ABI3BP: variants seen among roughly 807,000 people sequenced by gnomAD.
The protein encoded by ABI3BP is ABI family member 3 binding protein, also known as target of Nesh-SH3.
ABI3BP carries 216 observed loss-of-function variants against 268.6 expected under a neutral mutation model. The observed-to-expected ratio is 0.80, with a 90% CI of 0.72 to 0.90. ABI3BP has a LOEUF of 0.90. ABI3BP is among the 40% of genes least tolerant of loss of function. The pLI is 0.00. For synonymous variants in ABI3BP, 730 were observed against 730.0 expected, an observed-to-expected ratio of 1.00 and a Z score of 0.00; for missense variants, 2,090 against 2,182.4, an observed-to-expected ratio of 0.96 and a Z score of 0.84.
In ABI3BP at chr3:100,842,037, G is replaced by A; in HGVS notation, c.1726C>T (p.Pro576Ser). The A allele has an allele frequency of 6.5e-7, 1 of 1,534,504 alleles. No homozygotes were observed. Among genetic ancestry groups the A allele is most frequent in the Non-Finnish European group, 8.7e-7 (1 of 1,145,652 alleles). ...SPEVTHTKPA[P>S]EPQTLLPSQS... ...GATGGCAGTAGAGTCTGAGGTTCTG[G>A]GGCTGTAATAAAAGCAAGTAATATC... Residue 576 changes from proline to serine, a missense_variant and splice_region_variant, in exon 21 of 68, where the codon CCA (proline) becomes TCA (serine). By Grantham distance (74) the Pro-to-Ser change is moderately conservative. Coordinates refer to ENST00000471714, the MANE Select transcript of ABI3BP (RefSeq NM_001375547.2).
chr3:100,773,642 C>T (rs1382533128), intron 61 of ABI3BP, among the ~76,000 whole-genome samples: 1 of 152,158 alleles, frequency 6.6e-6, no homozygotes, highest in Admixed American at 6.5e-5. Context: ...AAGACATGTA[C>T]ATGAATGGTC....
At chr3:100,964,309 T>C (rs545102186) in intron 1 of ABI3BP, among the ~76,000 whole-genome samples, 1 of 152,298 alleles carries the variant, frequency 6.6e-6, no homozygotes, top group Non-Finnish European at 1.5e-5. Flanking sequence ...GGGACCAGCC[T>C]TCTTTGGGCA....
intron 61 of ABI3BP, among the ~76,000 whole-genome samples, chr3:100,772,434 G>A (rs924155432): frequency 6.6e-6 from 1 of 152,126 alleles, no homozygotes; most frequent in Non-Finnish European, 1.5e-5. Flanking sequence ...ACATGTAAAA[G>A]TAAAATGTAT....
At chr3:100,850,602 C>G in intron 16 of ABI3BP, 58 bp downstream of exon 16, 1 of 1,307,332 alleles carries the variant, frequency 7.6e-7, no homozygotes, top group Non-Finnish European at 1.1e-6. Context: ...GAAAGGCATT[C>G]ACATGATTTT....
At chr3:100,893,632 CTG>C (rs1203406666) in intron 4 of ABI3BP, among the ~76,000 whole-genome samples, 7 of 151,396 alleles carry the variant, frequency 4.6e-5, no homozygotes, top group South Asian at 2.1e-4. Context: ...GGGATGAGGA[CTG>C]TGCAGATGGT....
At chr3:100,820,938 G>A (rs1161267406) in intron 39 of ABI3BP, 116 bp downstream of exon 39, 1 of 875,116 alleles carries the variant, frequency 1.1e-6, no homozygotes, top group Non-Finnish European at 1.8e-6. Context: ...ATGATGGAAT[G>A]AAACAGAGAA....
At chr3:100,939,754 T>G (rs1451601787) in intron 1 of ABI3BP, among the ~76,000 whole-genome samples, 1 of 152,072 alleles carries the variant, frequency 6.6e-6, no homozygotes, top group Non-Finnish European at 1.5e-5. Context: ...GACAGGGTTT[T>G]GAGAGCAACC....
intron 50 of ABI3BP, 96 bp downstream of exon 50, chr3:100,808,065 G>T: frequency 9.4e-7 from 1 of 1,065,164 alleles, no homozygotes. Flanking sequence ...AAGTGTTAAA[G>T]ACTCAATCTG....
At chr3:100,882,791 C>A (rs1581796702) in intron 6 of ABI3BP, among the ~76,000 whole-genome samples, 2 of 151,994 alleles carry the variant, frequency 1.3e-5, no homozygotes, top group South Asian at 4.1e-4. Flanking sequence ...AAGACAAATA[C>A]AAATTACTGG....
At chr3:100,843,542 TGAGAGAGAGAGA>T in intron 20 of ABI3BP, 5 of 852,662 alleles carry the variant, frequency 5.9e-6, no homozygotes, top group Non-Finnish European at 6.9e-6. Context: ...TGTGTGTGTG[TGAGAGAGAGAGA>T]GAGAGAGAGA....
chr3:100,904,714 C>T (rs1021664524), intron 2 of ABI3BP, among the ~76,000 whole-genome samples: 7 of 152,142 alleles, frequency 4.6e-5, no homozygotes, highest in African/African-American at 1.2e-4. Context: ...CAATGAGATA[C>T]CATCTCACAC....
At chr3:100,821,154 A>G (rs1338701106) in intron 38 of ABI3BP, 41 bp from the exon 39 acceptor site, 6 of 1,500,776 alleles carry the variant, frequency 4.0e-6, no homozygotes, top group Non-Finnish European at 5.4e-6. Context: ...ATTATTTTAA[A>G]TGAATGTAAA....
intron 1 of ABI3BP, among the ~76,000 whole-genome samples, chr3:100,950,238 C>A (rs1438775611): frequency 6.6e-6 from 1 of 152,106 alleles, no homozygotes; most frequent in Non-Finnish European, 1.5e-5. Flanking sequence ...AAAGGATATT[C>A]AATTAATATG....
chr3:100,810,389 G>A lies in ABI3BP; in HGVS notation c.3607+23C>T, dbSNP rs1267318099. ...TTCTGCAAACACTCACCTCATATAT[G>A]ACATACAAAATAATGTATTTACCAG... On this transcript the variant is annotated intron_variant, in intron 49 of 67. Coordinates refer to ENST00000471714, the MANE Select transcript of ABI3BP (RefSeq NM_001375547.2). The A allele has an allele frequency of 2.6e-6, 4 of 1,515,746 alleles. No homozygotes were observed. In the Admixed American group the frequency reaches 7.9e-5, roughly 30 times the overall value. The allele number at this position is 1,515,746 out of a possible 1,614,324, so 93.9% of individuals were successfully genotyped here. A position where few individuals can be genotyped will look rare whatever the true frequency, so the allele number is the denominator to read the frequency against.
chr3:100,784,162 C>T (rs1031988284), intron 57 of ABI3BP, among the ~76,000 whole-genome samples: 7 of 152,138 alleles, frequency 4.6e-5, no homozygotes, highest in African/African-American at 9.7e-5. Context: ...CTGGGGCTTA[C>T]GGAATCACAA....
chr3:100,967,103 G>A (rs2081623091), intron 1 of ABI3BP, among the ~76,000 whole-genome samples: 1 of 151,852 alleles, frequency 6.6e-6, no homozygotes, highest in Non-Finnish European at 1.5e-5. Context: ...TACCCTCTGG[G>A]GTTTTGGTCT....
rs549102198 is a variant in ABI3BP, at chr3:100,828,377, C to G, written c.2602+16G>C. 1.6e-5 allele frequency: 24 copies of G among 1,528,340 alleles called. No individual in the cohort carries two copies. Among genetic ancestry groups the G allele is most frequent in the Non-Finnish European group, 1.9e-5 (22 of 1,140,320 alleles). 94.7% of individuals were successfully genotyped at this position (1,528,340 alleles called of 1,614,324 possible). On this transcript the variant is annotated intron_variant, in intron 34 of 67. Coordinates refer to ENST00000471714, the MANE Select transcript of ABI3BP (RefSeq NM_001375547.2). ...AGCAGAAAAAGCACTTGCTGAAGAT[C>G]AAAAAGTGGCATTACCGAATGTTGT...
In ABI3BP at chr3:100,749,563, C is replaced by T; in HGVS notation, c.*932G>A. ...GATTTTTATTACAGATTGAATTAAA[C>T]AGTTACAAAGACATTCTCTGATACA... On this transcript the variant is annotated 3_prime_UTR_variant, in exon 68 of 68. Transcript: ENST00000471714. The T allele has an allele frequency of 2.5e-6, 1 of 396,838 alleles. No individual in the cohort carries two copies. Among genetic ancestry groups the T allele is most frequent in the Non-Finnish European group, 4.4e-6 (1 of 225,096 alleles). 24.6% of individuals were successfully genotyped at this position (396,838 alleles called of 1,614,324 possible).
chr3:100,812,633 AT>A lies in ABI3BP; in HGVS notation c.3365-111del, dbSNP rs577469787. 3.4e-4 allele frequency: 196 copies of A among 577,042 alleles called. 2 individuals are homozygous for A. The African/African-American group carries it at 3.5e-3, about 10-fold the overall frequency. The allele number at this position is 577,042 out of a possible 1,614,324, so 35.7% of individuals were successfully genotyped here. On this transcript the variant is annotated intron_variant, in intron 45 of 67. Transcript: ENST00000471714. The stretch of plus-strand genomic sequence containing the variant: ...ATGTTAACTGTTATAGGGTAACAAC[AT>A]TATTAACACTAAGGGAAGCTCTCAT...
Sources: gnomAD v4.1 joint callset for allele counts (sites outside exome capture counted in the v4.1 genomes callset) on GRCh38, gnomAD v4.1.1 for gene constraint, MANE v1.5 for transcripts, NCBI Gene and HGNC (gene_info 2026-07-23, HGNC 2026-07-21) for gene names.